Variants in ZNF385B observed in about 807,000 individuals in gnomAD.
The protein encoded by ZNF385B is zinc finger protein 385B.
ZNF385B carries 23 observed loss-of-function variants against 39.2 expected under a neutral mutation model. That is an observed-to-expected ratio of 0.59 (90% confidence interval 0.42 to 0.83). The LOEUF (loss-of-function observed/expected upper bound fraction) is 0.83. ZNF385B is among the 40% of genes least tolerant of loss of function. ZNF385B has a pLI of 0.00. For synonymous variants in ZNF385B, 205 were observed against 222.6 expected, an observed-to-expected ratio of 0.92 and a Z score of 0.70; for missense variants, 552 against 598.9, an observed-to-expected ratio of 0.92 and a Z score of 0.82.
chr2:179,473,223 C>G (rs139992646), intron 6 of ZNF385B, among the ~76,000 whole-genome samples: 3 of 152,188 alleles, frequency 2.0e-5, no homozygotes, highest in African/African-American at 7.2e-5. Flanking sequence ...AAAAGTCAGG[C>G]TCATGAAACC....
intron 3 of ZNF385B, among the ~76,000 whole-genome samples, chr2:179,642,766 T>C (rs998176678): frequency 3.9e-5 from 6 of 152,222 alleles, no homozygotes; most frequent in African/African-American, 1.4e-4. Flanking sequence ...CATATACTTA[T>C]AATTTTAAAC....
intron 3 of ZNF385B, among the ~76,000 whole-genome samples, chr2:179,753,776 T>G (rs1356665253): frequency 3.9e-5 from 6 of 152,232 alleles, no homozygotes; most frequent in African/African-American, 9.6e-5. Flanking sequence ...TTTTGCACAT[T>G]GATTTTATAT....
At chr2:179,559,446 C>T (rs544095407) in intron 3 of ZNF385B, among the ~76,000 whole-genome samples, 3 of 152,234 alleles carry the variant, frequency 2.0e-5, no homozygotes, top group African/African-American at 7.2e-5. Flanking sequence ...TAGCGATGTG[C>T]AAAACATCTC....
intron 3 of ZNF385B, among the ~76,000 whole-genome samples, chr2:179,626,006 TG>T (rs1182516040): frequency 6.6e-6 from 1 of 152,062 alleles, no homozygotes; most frequent in Non-Finnish European, 1.5e-5. Context: ...GATCACAAAA[TG>T]GAGAACTGTT....
intron 1 of ZNF385B, among the ~76,000 whole-genome samples, chr2:179,797,122 C>A (rs192953085): frequency 1.1e-3 from 169 of 152,150 alleles, no homozygotes; most frequent in East Asian, 0.011. Flanking sequence ...GAAACAATTA[C>A]TTTTCTCCAT....
At chr2:179,773,977 G>A (rs1230318067) in intron 1 of ZNF385B, among the ~76,000 whole-genome samples, 1 of 152,108 alleles carries the variant, frequency 6.6e-6, no homozygotes, top group African/African-American at 2.4e-5. Context: ...TTTAAGGTGA[G>A]CGGGATGGGA....
intron 6 of ZNF385B, among the ~76,000 whole-genome samples, chr2:179,481,562 A>G (rs2053996996): frequency 6.6e-6 from 1 of 152,134 alleles, no homozygotes; most frequent in East Asian, 1.9e-4. Flanking sequence ...TTCAAATAAT[A>G]ATATAACTTA....
At chr2:179,718,138 G>T (rs1258280696) in intron 3 of ZNF385B, among the ~76,000 whole-genome samples, 3 of 151,860 alleles carry the variant, frequency 2.0e-5, no homozygotes, top group Non-Finnish European at 4.4e-5. Flanking sequence ...ATTTTAAATA[G>T]AATATGATAT....
At chr2:179,715,915 A>G (rs750154958) in intron 3 of ZNF385B, among the ~76,000 whole-genome samples, 13 of 152,096 alleles carry the variant, frequency 8.5e-5, no homozygotes, top group Non-Finnish European at 1.5e-4. Flanking sequence ...AAAATGTGGG[A>G]GTGGTATGCC....
chr2:179,762,990 T>C (rs530279880), intron 3 of ZNF385B, among the ~76,000 whole-genome samples: 1 of 152,282 alleles, frequency 6.6e-6, no homozygotes, highest in African/African-American at 2.4e-5. Flanking sequence ...CCACAACCTG[T>C]GCCTCCTGGG....
chr2:179,624,194 T>G (rs1575014396), intron 3 of ZNF385B, among the ~76,000 whole-genome samples: 1 of 152,314 alleles, frequency 6.6e-6, no homozygotes, highest in Admixed American at 6.5e-5. Context: ...CTCTAGGTAT[T>G]TGCTATCTTT....
At chr2:179,671,209 T>C (rs1251609137) in intron 3 of ZNF385B, among the ~76,000 whole-genome samples, 1 of 152,084 alleles carries the variant, frequency 6.6e-6, no homozygotes, top group Non-Finnish European at 1.5e-5. Context: ...CTTCCAAGAG[T>C]GTCTTTGGCT....
intron 1 of ZNF385B, among the ~76,000 whole-genome samples, chr2:179,777,112 G>T (rs1704369515): frequency 6.6e-6 from 1 of 151,412 alleles, no homozygotes; most frequent in South Asian, 2.1e-4. Context: ...ATGTAAATCA[G>T]TATCTTTTCT....
intron 1 of ZNF385B, among the ~76,000 whole-genome samples, chr2:179,804,838 C>T (rs1706250899): frequency 6.6e-6 from 1 of 152,188 alleles, no homozygotes; most frequent in Admixed American, 6.5e-5. Flanking sequence ...TGTTCTTACC[C>T]ACTGCCTGGA....
chr2:179,848,586 C>T (rs528127553), intron 1 of ZNF385B, among the ~76,000 whole-genome samples: 1 of 152,362 alleles, frequency 6.6e-6, no homozygotes, highest in South Asian at 2.1e-4. Flanking sequence ...GAATTTTGAT[C>T]TGGGTGAGAT....
chr2:179,602,491 AC>A (rs1688487133), intron 3 of ZNF385B, among the ~76,000 whole-genome samples: 1 of 149,644 alleles, frequency 6.7e-6, no homozygotes, highest in Non-Finnish European at 1.5e-5. Flanking sequence ...GAGCCATCGC[AC>A]CCAGCTTCTT....
chr2:179,808,421 G>A (rs970977584), intron 1 of ZNF385B, among the ~76,000 whole-genome samples: 1 of 152,194 alleles, frequency 6.6e-6, no homozygotes, highest in Non-Finnish European at 1.5e-5. Flanking sequence ...ATGGTTACCT[G>A]TGAAGAGAAA....
At position 179,497,918 on chromosome 2, in the gene ZNF385B, T is replaced by A. The variant is rs11884249; in HGVS notation, c.553-14484A>T. ...TAAAGAAATAGTAGGAGTTGCTATA[T>A]CTTATATTAGAAAAAGTAGATCTCA... On this transcript the variant is annotated intron_variant, in intron 5 of 9. Coordinates refer to ENST00000410066, the MANE Select transcript of ZNF385B (RefSeq NM_152520.6). Among the ~76,000 whole-genome samples the A allele has an allele frequency of 2.6e-5, 4 of 152,022 alleles. No homozygotes were observed. The East Asian group carries it at 7.7e-4, about 29-fold the overall frequency.
chr2:179,660,291 T>C (rs1694318899), intron 3 of ZNF385B: 1 of 152,170 alleles, frequency 6.6e-6, no homozygotes. Context: ...TAACAAACAA[T>C]ACAGTGACTG....
Sources: allele counts gnomAD v4.1 joint callset (sites outside exome capture counted in the v4.1 genomes callset), GRCh38; gene constraint gnomAD v4.1.1; transcripts MANE v1.5; gene names NCBI Gene and HGNC (gene_info 2026-07-23, HGNC 2026-07-21).